ADAMTS20: variants seen among roughly 807,000 people sequenced by gnomAD.
ADAMTS20 encodes the protein A disintegrin and metalloproteinase with thrombospondin motifs 20.
A neutral mutation model predicts 260.1 loss-of-function variants in ADAMTS20; 225 were observed. That is an observed-to-expected ratio of 0.87 (90% CI 0.78 to 0.97). The LOEUF (loss-of-function observed/expected upper bound fraction) is 0.97, where lower values mean the gene tolerates loss of function less well. ADAMTS20 is among the 50% of genes least tolerant of loss of function. The pLI is 0.00. For synonymous variants in ADAMTS20, 802 were observed against 769.5 expected, an observed-to-expected ratio of 1.04 and a Z score of -0.70; for missense variants, 2,400 against 2,337.7, an observed-to-expected ratio of 1.03 and a Z score of -0.55.
chr12:43,354,387 A>T (rs1255910768), intron 38 of ADAMTS20, 89 bp from the exon 39 acceptor site: 5 of 910,134 alleles, frequency 5.5e-6, no homozygotes, highest in Middle Eastern at 4.3e-4. Context: ...TTTGAATCAT[A>T]TGGCTAAAAT....
At chr12:43,355,885 A>G (rs1939733300) in intron 38 of ADAMTS20, among the ~76,000 whole-genome samples, 1 of 152,042 alleles carries the variant, frequency 6.6e-6, no homozygotes, top group South Asian at 2.1e-4. Context: ...AGTTATAACT[A>G]TATATATAAA....
chr12:43,508,693 CATA>C (rs1302469055), intron 3 of ADAMTS20, among the ~76,000 whole-genome samples: 1 of 152,074 alleles, frequency 6.6e-6, no homozygotes, highest in Admixed American at 6.6e-5. Flanking sequence ...GCATATAGTA[CATA>C]ATAACATCAG....
chr12:43,364,108 G>C (rs1939932527), intron 37 of ADAMTS20, among the ~76,000 whole-genome samples: 1 of 152,076 alleles, frequency 6.6e-6, no homozygotes, highest in Non-Finnish European at 1.5e-5. Flanking sequence ...GCATGCCCAA[G>C]ACTGTGCCCA....
chr12:43,387,554 G>T (rs1940506562), intron 29 of ADAMTS20, among the ~76,000 whole-genome samples: 1 of 152,210 alleles, frequency 6.6e-6, no homozygotes, highest in African/African-American at 2.4e-5. Flanking sequence ...AGAGCCAGCA[G>T]GCAGGAACAT....
intron 18 of ADAMTS20, among the ~76,000 whole-genome samples, chr12:43,435,504 T>C (rs1174140893): frequency 2.7e-5 from 4 of 150,512 alleles, no homozygotes; most frequent in Admixed American, 2.6e-4. Context: ...CCAGGCGTGG[T>C]GGTGGGTGCC....
intron 37 of ADAMTS20, among the ~76,000 whole-genome samples, chr12:43,358,815 C>T (rs552822361): frequency 3.2e-5 from 4 of 123,766 alleles, no homozygotes; most frequent in Non-Finnish European, 4.7e-5. Flanking sequence ...CCAGCCTGGG[C>T]GACAGAGCGA....
intron 29 of ADAMTS20, among the ~76,000 whole-genome samples, chr12:43,393,335 C>T (rs1187123381): frequency 6.6e-6 from 1 of 151,940 alleles, no homozygotes; most frequent in Non-Finnish European, 1.5e-5. Flanking sequence ...ATAACACCAC[C>T]TAATTGACTG....
intron 7 of ADAMTS20, among the ~76,000 whole-genome samples, chr12:43,470,229 C>T (rs1406708134): frequency 6.6e-6 from 1 of 152,110 alleles, no homozygotes; most frequent in Non-Finnish European, 1.5e-5. Flanking sequence ...TCATGGACAT[C>T]CTACAGTAGG....
intron 2 of ADAMTS20, among the ~76,000 whole-genome samples, chr12:43,545,339 T>A (rs558201919): frequency 5.3e-5 from 8 of 152,160 alleles, no homozygotes; most frequent in Non-Finnish European, 8.8e-5. Flanking sequence ...AACAATCTGA[T>A]TCCTTGGTCT....
chr12:43,420,797 CTTCTTTTT>C lies in ADAMTS20; in HGVS notation c.4284+4709_4284+4716del, dbSNP rs1414251704. Among the ~76,000 whole-genome samples, 174 of 77,482 alleles carry C rather than the reference CTTCTTTTT, an allele frequency of 2.2e-3. 1 individual carries two copies. Among genetic ancestry groups the C allele is most frequent in the African/African-American group, 8.1e-3 (151 of 18,594 alleles). The allele number at this position is 77,482 out of a possible 152,430, so 50.8% of individuals were successfully genotyped here. On this transcript the variant is annotated intron_variant, in intron 28 of 38. Transcript: ENST00000389420. Reference sequence around the variant, plus strand: ...TCTTCTTCTTCTTCTCCTCCTCCTCCTTCTTTTTTTTTTTTTTTTTTTTTTTTTGAGAT... The same window carrying C: ...TCTTCTTCTTCTTCTCCTCCTCCTCCTTTTTTTTTTTTTTTTTTTTGAGAT...
chr12:43,506,978 G>A (rs1017671386), intron 3 of ADAMTS20, among the ~76,000 whole-genome samples: 8 of 152,114 alleles, frequency 5.3e-5, no homozygotes, highest in Admixed American at 2.6e-4. Flanking sequence ...GGAGAGGCTG[G>A]TCAGACATAC....
Position 43,384,004 on chromosome 12 carries a change from C to T in ADAMTS20, c.4453-27G>A, listed in dbSNP as rs756208354. The T allele has an allele frequency of 2.6e-6, 4 of 1,567,690 alleles. No homozygotes were observed. The African/African-American group carries it at 4.1e-5, about 16-fold the overall frequency. Reference sequence around the variant, plus strand: ...TACAAAGGAGTCCAGTTGATTTGAACAATTAGCTAATAAATACCAAATTAT... The same window carrying T: ...TACAAAGGAGTCCAGTTGATTTGAATAATTAGCTAATAAATACCAAATTAT... On this transcript the variant is annotated intron_variant, in intron 29 of 38. Coordinates refer to ENST00000389420, the MANE Select transcript of ADAMTS20 (RefSeq NM_025003.5).
chr12:43,475,792 T>G (rs932057358), intron 7 of ADAMTS20, among the ~76,000 whole-genome samples: 37 of 150,642 alleles, frequency 2.5e-4, no homozygotes, highest in Admixed American at 1.9e-3. Context: ...GCTAGCCATA[T>G]GTAGAAAGCT....
At chr12:43,373,563 G>A (rs941059547) in intron 36 of ADAMTS20, among the ~76,000 whole-genome samples, 12 of 151,696 alleles carry the variant, frequency 7.9e-5, no homozygotes, top group Non-Finnish European at 1.3e-4. Context: ...AATTTGTGTT[G>A]GGCCACATTC....
At chr12:43,491,808 C>A (rs577840982) in intron 6 of ADAMTS20, among the ~76,000 whole-genome samples, 13 of 152,178 alleles carry the variant, frequency 8.5e-5, no homozygotes, top group Non-Finnish European at 1.2e-4. Flanking sequence ...AACAAAGTTG[C>A]TCTTCTTTCC....
At chr12:43,425,971 T>C (rs953031736) in intron 27 of ADAMTS20, among the ~76,000 whole-genome samples, 2 of 152,258 alleles carry the variant, frequency 1.3e-5, no homozygotes, top group Non-Finnish European at 1.5e-5. Flanking sequence ...TATATTTCAG[T>C]AAGATATCCA....
chr12:43,400,413 A>G (rs918117581), intron 28 of ADAMTS20, among the ~76,000 whole-genome samples: 11 of 152,040 alleles, frequency 7.2e-5, no homozygotes, highest in African/African-American at 1.9e-4. Context: ...TTACCTTTTT[A>G]TATTACTAGC....
rs1310956423 is a variant in ADAMTS20, at chr12:43,551,583, G to C, written c.91+248C>G. On this transcript the variant is annotated intron_variant, in intron 1 of 38. Transcript: ENST00000389420. The surrounding 1 kb of genome is among the most constrained non-coding windows in gnomAD (Gnocchi z 4.6). ...AGCCCCCAACTCGTTCCCTCCGGGT[G>C]CAAGCGACCCCCTGCCCCTTGCGCC... Among the ~76,000 whole-genome samples, 1 of 152,154 alleles carries C rather than the reference G, an allele frequency of 6.6e-6. No homozygotes were observed. Among genetic ancestry groups the C allele is most frequent in the African/African-American group, 2.4e-5 (1 of 41,448 alleles).
chr12:43,363,316 G>C (rs1186170563), intron 37 of ADAMTS20, among the ~76,000 whole-genome samples: 3 of 152,166 alleles, frequency 2.0e-5, no homozygotes, highest in Non-Finnish European at 2.9e-5. Context: ...TTATAGGCAA[G>C]AGTAGCTGAG....
Sources: allele counts gnomAD v4.1 joint callset (sites outside exome capture counted in the v4.1 genomes callset), GRCh38; gene constraint gnomAD v4.1.1; non-coding constraint Gnocchi (gnomAD v3.1); transcripts MANE v1.5; gene names NCBI Gene and HGNC (gene_info 2026-07-23, HGNC 2026-07-21).